Variants in CIITA observed in about 807,000 individuals in gnomAD.
CIITA encodes the protein class II major histocompatibility complex transactivator.
In CIITA, 72 loss-of-function variants were observed where a neutral mutation model predicts 115.1. That is an observed-to-expected ratio of 0.63 (90% confidence interval 0.52 to 0.76). The LOEUF (loss-of-function observed/expected upper bound fraction) is 0.76, where lower values mean the gene tolerates loss of function less well. Ranked by LOEUF, CIITA falls within the 30% of genes least tolerant of loss-of-function variation. The pLI is 0.00. For synonymous variants in CIITA, 763 were observed against 635.6 expected, an observed-to-expected ratio of 1.20 and a Z score of -3.02; for missense variants, 1,617 against 1,463.8, an observed-to-expected ratio of 1.10 and a Z score of -1.71.
At position 10,898,744 on chromosome 16, in the gene CIITA, G is replaced by A. The variant is rs760981549; in HGVS notation, c.358+12G>A. ...CAAGGACATTTTCAGTAAGTTTGTG[G>A]TGGGTGGGGAGGTCTTGGCTCAGCC... On this transcript the variant is annotated intron_variant, in intron 4 of 19. Coordinates refer to ENST00000324288, the MANE Select transcript of CIITA (RefSeq NM_000246.4). 6 of 1,611,516 alleles carry A rather than the reference G, an allele frequency of 3.7e-6. No homozygotes were observed. In the Admixed American group the frequency reaches 8.4e-5, roughly 23 times the overall value.
chr16:10,896,167 T>G (rs1167231601), intron 3 of CIITA, among the ~76,000 whole-genome samples: 4 of 152,238 alleles, frequency 2.6e-5, no homozygotes, highest in Non-Finnish European at 5.9e-5. Flanking sequence ...ACTCATAGTA[T>G]GCTCATTGCT....
At chr16:10,908,925 G>A in intron 11 of CIITA, 104 bp from the exon 12 acceptor site, 1 of 1,544,674 alleles carries the variant, frequency 6.5e-7, no homozygotes. Context: ...GTTGAGCTAA[G>A]GAAAGAAAGT....
intron 1 of CIITA, among the ~76,000 whole-genome samples, chr16:10,893,804 T>TAAAAAAAAAAAAAAAAAA (rs71136603): frequency 9.3e-5 from 3 of 32,170 alleles, no homozygotes; most frequent in Admixed American, 6.2e-4. Context: ...GACTCCGTCT[T>TAAAAAAAAAAAAAAAAAA]AAAAAAAAAA....
intron 10 of CIITA, 59 bp from the exon 11 acceptor site, chr16:10,906,440 G>C: frequency 6.3e-7 from 1 of 1,576,342 alleles, no homozygotes; most frequent in Non-Finnish European, 8.7e-7. Context: ...CCTTGTGGTG[G>C]CTGGCCCTGG....
intron 1 of CIITA, among the ~76,000 whole-genome samples, chr16:10,870,894 G>A (rs780181596): frequency 3.9e-5 from 6 of 152,192 alleles, no homozygotes; most frequent in Admixed American, 6.5e-5. Flanking sequence ...GGGGTTTGAG[G>A]CACCAAGAAA....
At chr16:10,868,391 G>T (rs1238339185) in intron 1 of CIITA, among the ~76,000 whole-genome samples, 1 of 152,138 alleles carries the variant, frequency 6.6e-6, no homozygotes, top group Admixed American at 6.6e-5. Flanking sequence ...CCTTATCTTG[G>T]GCACCAGGGC....
chr16:10,874,099 T>C (rs566840140), upstream of CIITA, among the ~76,000 whole-genome samples: 83 of 152,212 alleles, frequency 5.5e-4, no homozygotes, highest in South Asian at 2.1e-3. Flanking sequence ...TTCTCCTGCC[T>C]CAGCCTCCCA....
intron 1 of CIITA, among the ~76,000 whole-genome samples, chr16:10,881,061 G>A (rs986956597): frequency 1.3e-5 from 2 of 152,082 alleles, no homozygotes; most frequent in Admixed American, 1.3e-4. Context: ...ATTGCTTGAG[G>A]CCAGGAGTTC....
chr16:10,918,632 T>C (rs2040093864), intron 16 of CIITA, 106 bp downstream of exon 16: 2 of 923,944 alleles, frequency 2.2e-6, no homozygotes, highest in African/African-American at 3.2e-5. Context: ...CTAGAAGCAA[T>C]CACCACAGCC....
rs187790583 is a variant in CIITA at position 10,909,276 on chromosome 16, A to G, written c.2816+89A>G. 12 of 1,398,144 alleles carry G rather than the reference A, an allele frequency of 8.6e-6. No homozygotes were observed. The Admixed American group carries it at 1.6e-4, about 19-fold the overall frequency. 86.6% of individuals were successfully genotyped at this position (1,398,144 alleles called of 1,614,324 possible). On this transcript the variant is annotated intron_variant, in intron 12 of 19. Coordinates refer to ENST00000324288, the MANE Select transcript of CIITA (RefSeq NM_000246.4). ...TCTCAAGTTTGTCATGGGCATTTCC[A>G]GTGCCCCCTGTCCTCTGGGACACCC... is the stretch of plus-strand genomic sequence containing the variant.
chr16:10,929,357 G>T lies in CIITA; in HGVS notation c.*5502G>T. Reference sequence around the variant, plus strand: ...GGCTGGGTTCCTGTAAACATCCATCGCAGCTGCAAATAATCAGAAGCCAAG... The same window carrying T: ...GGCTGGGTTCCTGTAAACATCCATCTCAGCTGCAAATAATCAGAAGCCAAG... On this transcript the variant is annotated 3_prime_UTR_variant, in exon 20 of 20. Transcript: ENST00000324288. This position sits in a 1 kb window ranked among gnomAD's most constrained non-coding sequence, Gnocchi z 4.3. 2 of 985,930 alleles carry T rather than the reference G, an allele frequency of 2.0e-6. No homozygotes were observed. The highest frequency in any genetic ancestry group is 2.4e-6 in the Non-Finnish European group (2 of 829,962). The allele number at this position is 985,930 out of a possible 1,614,324, so 61.1% of individuals were successfully genotyped here.
At chr16:10,866,742 G>A (rs1309850669) in intron 1 of CIITA, among the ~76,000 whole-genome samples, 2 of 152,224 alleles carry the variant, frequency 1.3e-5, no homozygotes, top group Non-Finnish European at 2.9e-5. Flanking sequence ...TCTGTTGCTG[G>A]GTGTGCTGGA....
At chr16:10,899,482 G>C (rs558114109) in intron 5 of CIITA, among the ~76,000 whole-genome samples, 2 of 152,188 alleles carry the variant, frequency 1.3e-5, no homozygotes, top group Non-Finnish European at 2.9e-5. Context: ...CTCACCTTGT[G>C]TGTCTTTTTC....
intron 12 of CIITA, 87 bp from the exon 13 acceptor site, chr16:10,910,101 G>A: frequency 9.0e-7 from 1 of 1,105,602 alleles, no homozygotes; most frequent in South Asian, 1.3e-5. Context: ...GGGAATTTGG[G>A]GCACTGGGGC....
upstream of CIITA, among the ~76,000 whole-genome samples, chr16:10,874,914 C>T (rs930801967): frequency 2.6e-5 from 4 of 152,126 alleles, no homozygotes; most frequent in Admixed American, 2.0e-4. Context: ...CAGTCAGAGG[C>T]GCCTCTCCCG....
At chr16:10,884,508 G>A (rs1012943852) in intron 1 of CIITA, among the ~76,000 whole-genome samples, 1 of 152,132 alleles carries the variant, frequency 6.6e-6, no homozygotes, top group African/African-American at 2.4e-5. Flanking sequence ...TCAAGCTCCT[G>A]AGCTCAAGCC....
At position 10,901,689 on chromosome 16, in the gene CIITA, G is replaced by A; in HGVS notation, c.481+131G>A. ...AGCCCCTGCCCTTCTTTGGGTAGAG[G>A]CTGAGAGCTTGGGGTCCCTTAGAGT... On this transcript the variant is annotated intron_variant, in intron 6 of 19. Transcript: ENST00000324288. The surrounding 1 kb of genome is among the most constrained non-coding windows in gnomAD (Gnocchi z 6.8). The A allele has an allele frequency of 9.6e-7, 1 of 1,037,330 alleles. No homozygotes were observed. The highest frequency in any genetic ancestry group is 1.4e-6 in the Non-Finnish European group (1 of 689,748). 64.3% of individuals were successfully genotyped at this position (1,037,330 alleles called of 1,614,324 possible).
At chr16:10,884,569 C>T (rs73499471) in intron 1 of CIITA, among the ~76,000 whole-genome samples, 1 of 152,128 alleles carries the variant, frequency 6.6e-6, no homozygotes, top group Non-Finnish European at 1.5e-5. Flanking sequence ...GGCACTCCAC[C>T]ACACCCAGCT....
intron 1 of CIITA, among the ~76,000 whole-genome samples, chr16:10,869,079 G>T (rs908256379): frequency 6.6e-6 from 1 of 152,222 alleles, no homozygotes; most frequent in African/African-American, 2.4e-5. Context: ...TTCGGAAAAG[G>T]AAATCATCCA....
Sources: allele counts gnomAD v4.1 joint callset (sites outside exome capture counted in the v4.1 genomes callset), GRCh38; gene constraint gnomAD v4.1.1; non-coding constraint Gnocchi (gnomAD v3.1); transcripts MANE v1.5; gene names NCBI Gene and HGNC (gene_info 2026-07-23, HGNC 2026-07-21).